The following NEDD4 variants were observed in gnomAD, a reference collection of about 807,000 sequenced individuals.
NEDD4 encodes the protein E3 ubiquitin-protein ligase NEDD4.
NEDD4 carries 99 observed loss-of-function variants against 144.9 expected under a neutral mutation model. The observed-to-expected ratio is 0.68, with a 90% CI of 0.58 to 0.81. The LOEUF (loss-of-function observed/expected upper bound fraction) is 0.81, where lower values mean the gene tolerates loss of function less well. NEDD4 is among the 30% of genes least tolerant of loss of function. NEDD4 has a pLI of 0.00. For missense variants in NEDD4, 985 were observed against 1,065.9 expected (o/e 0.92, Z 1.06); for synonymous variants, 318 against 350.6 (o/e 0.91, Z 1.04).
chr15:55,912,278 T>C (rs560499383), intron 5 of NEDD4, among the ~76,000 whole-genome samples: 5 of 152,312 alleles, frequency 3.3e-5, no homozygotes, highest in Admixed American at 6.5e-5. Context: ...TTAAAACATC[T>C]ATTTTAGGAA....
chr15:55,845,805 T>C (rs2033716716), intron 18 of NEDD4, among the ~76,000 whole-genome samples: 1 of 151,112 alleles, frequency 6.6e-6, no homozygotes, highest in Admixed American at 6.6e-5. Context: ...TTTCTTTTTT[T>C]TTTTTTGAGA....
intron 24 of NEDD4, 107 bp downstream of exon 24, chr15:55,837,681 CA>C (rs1595727860): frequency 1.6e-6 from 1 of 616,578 alleles, no homozygotes; most frequent in East Asian, 2.9e-5. Context: ...AATGATTTCA[CA>C]AAACAAGCCA....
rs2037237966 is a variant in NEDD4, at chr15:55,951,501, TAA to T, written c.198+8_198+9del. The T allele has an allele frequency of 6.6e-7, 1 of 1,512,522 alleles. No homozygotes were observed. Among genetic ancestry groups the T allele is most frequent in the Non-Finnish European group, 8.8e-7 (1 of 1,132,428 alleles). 93.7% of individuals were successfully genotyped at this position (1,512,522 alleles called of 1,614,324 possible). ...TACATTAAAAACTTTTGAATATTGC[TAA>T]GTCTAACCTTTTTAATGGTTTTTGT... On this transcript the variant is annotated splice_region_variant and intron_variant, in intron 3 of 28. Coordinates refer to ENST00000435532, the MANE Select transcript of NEDD4 (RefSeq NM_006154.4).
Position 55,966,514 on chromosome 15 carries a change from T to TATA in NEDD4, c.75_77dup (p.Ile26dup). The TATA allele has an allele frequency of 6.5e-7, 1 of 1,536,984 alleles. No individual in the cohort carries two copies. Among genetic ancestry groups the TATA allele is most frequent in the African/African-American group, 1.4e-5 (1 of 72,468 alleles). On this transcript the variant is annotated inframe_insertion, in exon 2 of 29. Coordinates refer to ENST00000435532, the MANE Select transcript of NEDD4 (RefSeq NM_006154.4). ...CCTTCTTGGCAAGGCCTATTCCGGC[T>TATA]ATAACTCTTACTCTCACAATTCGTG... is the stretch of plus-strand genomic sequence containing the variant.
intron 8 of NEDD4, among the ~76,000 whole-genome samples, chr15:55,864,080 C>T (rs1337763005): frequency 1.3e-5 from 2 of 152,032 alleles, no homozygotes; most frequent in East Asian, 1.9e-4. Context: ...AGCCTTAGGG[C>T]AGTTAAAGTA....
At chr15:55,879,071 G>A (rs187878694) in intron 5 of NEDD4, among the ~76,000 whole-genome samples, 1 of 152,308 alleles carries the variant, frequency 6.6e-6, no homozygotes, top group East Asian at 1.9e-4. Flanking sequence ...TGATCCACCT[G>A]ACTTGGACTC....
chr15:55,967,470 GTGTGTA>G lies in NEDD4; in HGVS notation c.46-930_46-925del, dbSNP rs201616822. Reference sequence around the variant, plus strand: ...TGTGTGTGTGTGTGTGTGTGTGTGTGTGTGTATGTGTGTGTATACAAATAAAGGGGA... The same window carrying G: ...TGTGTGTGTGTGTGTGTGTGTGTGTGTGTGTGTGTATACAAATAAAGGGGA... On this transcript the variant is annotated intron_variant, in intron 1 of 28. Coordinates refer to ENST00000435532, the MANE Select transcript of NEDD4 (RefSeq NM_006154.4). Among the ~76,000 whole-genome samples the G allele has an allele frequency of 1.3e-3, 195 of 150,596 alleles. 3 individuals carry two copies. The East Asian group carries it at 0.017, about 13-fold the overall frequency.
chr15:55,845,888 C>T (rs1423894019), intron 18 of NEDD4, among the ~76,000 whole-genome samples: 1 of 150,314 alleles, frequency 6.7e-6, no homozygotes, highest in Non-Finnish European at 1.5e-5. Flanking sequence ...TGGGTTCAAG[C>T]GGTTCTCCTG....
chr15:55,830,710 A>G (rs1275536322), intron 27 of NEDD4, 124 bp from the exon 28 acceptor site: 37 of 734,712 alleles, frequency 5.0e-5, no homozygotes, highest in Non-Finnish European at 8.1e-5. Flanking sequence ...TTATTTATTT[A>G]TATTTTAGAG....
Position 55,862,828 on chromosome 15 carries a change from G to A in NEDD4, c.674+85C>T, listed in dbSNP as rs971871803. The A allele has an allele frequency of 4.0e-5, 50 of 1,238,502 alleles. No individual in the cohort carries two copies. In the African/African-American group the frequency reaches 7.2e-4, roughly 18 times the overall value. 76.7% of individuals were successfully genotyped at this position (1,238,502 alleles called of 1,614,324 possible). On this transcript the variant is annotated intron_variant, in intron 9 of 28. Coordinates refer to ENST00000435532, the MANE Select transcript of NEDD4 (RefSeq NM_006154.4). ...AGTTTATGGATCACTATACTGTTATGAATCCATCTGAGACATGACTTCAAA... is the reference window on the plus strand; with the variant it reads ...AGTTTATGGATCACTATACTGTTATAAATCCATCTGAGACATGACTTCAAA...
At chr15:55,959,735 A>ACGG (rs1347756090) in intron 2 of NEDD4, among the ~76,000 whole-genome samples, 1 of 152,206 alleles carries the variant, frequency 6.6e-6, no homozygotes, top group African/African-American at 2.4e-5. Context: ...AGAAGCTGAG[A>ACGG]CGGCCTCCAG....
At chr15:55,972,212 C>T (rs917285708) in intron 1 of NEDD4, among the ~76,000 whole-genome samples, 15 of 152,116 alleles carry the variant, frequency 9.9e-5, no homozygotes, top group African/African-American at 3.1e-4. Context: ...AAAGTAAGTA[C>T]ACAGACAAAT....
chr15:55,860,818 G>A (rs968924446), intron 9 of NEDD4, 40 bp from the exon 10 acceptor site: 1 of 1,532,948 alleles, frequency 6.5e-7, no homozygotes, highest in Admixed American at 1.8e-5. Context: ...CATGTCTTAA[G>A]TAGTTAAAAT....
At chr15:55,907,024 G>C (rs2036124102) in intron 5 of NEDD4, among the ~76,000 whole-genome samples, 1 of 152,024 alleles carries the variant, frequency 6.6e-6, no homozygotes, top group Non-Finnish European at 1.5e-5. Flanking sequence ...CAACCTGGGA[G>C]GCAGAGGTTG....
Position 55,840,734 on chromosome 15 carries a change from A to G in NEDD4, c.1839-7T>C, listed in dbSNP as rs775972670. On this transcript the variant is annotated splice_polypyrimidine_tract_variant and splice_region_variant and intron_variant, in intron 19 of 28. Coordinates refer to ENST00000435532, the MANE Select transcript of NEDD4 (RefSeq NM_006154.4). ...CTGTAGGGTATAATTGTCCCTGTAA[A>G]GACAACCCCATTTAAATACTTCATT... 6.3e-7 allele frequency: 1 copy of G among 1,599,286 alleles called. No individual in the cohort carries two copies. Among genetic ancestry groups the G allele is most frequent in the African/African-American group, 1.3e-5 (1 of 74,134 alleles).
intron 12 of NEDD4, among the ~76,000 whole-genome samples, chr15:55,853,100 C>A (rs939569967): frequency 2.0e-5 from 3 of 152,048 alleles, no homozygotes; most frequent in Admixed American, 1.3e-4. Context: ...ACACCACATC[C>A]CTTCTTCACT....
chr15:55,844,701 G>C (rs1266840207), intron 18 of NEDD4, among the ~76,000 whole-genome samples: 1 of 152,058 alleles, frequency 6.6e-6, no homozygotes, highest in Non-Finnish European at 1.5e-5. Context: ...AACAGTATCT[G>C]GCATATGGTA....
chr15:55,923,778 C>T (rs1466806746), intron 5 of NEDD4, among the ~76,000 whole-genome samples: 1 of 151,480 alleles, frequency 6.6e-6, no homozygotes, highest in African/African-American at 2.4e-5. Flanking sequence ...AGTATAATTA[C>T]CATTTCTTGA....
Position 55,847,048 on chromosome 15 carries a change from T to A in NEDD4, c.1543-14A>T, listed in dbSNP as rs1338082084. The A allele has an allele frequency of 6.3e-7, 1 of 1,575,028 alleles. No homozygotes were observed. The highest frequency in any genetic ancestry group is 1.4e-5 in the African/African-American group (1 of 73,472). On this transcript the variant is annotated splice_polypyrimidine_tract_variant and intron_variant, in intron 17 of 28. Transcript: ENST00000435532. ...GTAGGGCACTGCCTTTAGTTGGAAA[T>A]TTTGGAAAAATAAAGAAGTTTAGGT...
Sources: allele counts gnomAD v4.1 joint callset (sites outside exome capture counted in the v4.1 genomes callset), GRCh38; gene constraint gnomAD v4.1.1; transcripts MANE v1.5; gene names NCBI Gene and HGNC (gene_info 2026-07-23, HGNC 2026-07-21).